MLLT10: variants seen among roughly 807,000 people sequenced by gnomAD.
MLLT10 encodes protein AF-10.
MLLT10 carries 30 observed loss-of-function variants against 129.1 expected under a neutral mutation model. The ratio of observed to expected loss-of-function variants is 0.23; its 90% confidence interval spans 0.17 to 0.32. The LOEUF (loss-of-function observed/expected upper bound fraction) is 0.32, where lower values mean the gene tolerates loss of function less well. Among genes scored for constraint, MLLT10 ranks in the 10% least tolerant of loss-of-function variants. The pLI, the probability that MLLT10 is intolerant of heterozygous loss-of-function variation, is 1.00. For synonymous variants in MLLT10, 490 were observed against 446.4 expected, an observed-to-expected ratio of 1.10 and a Z score of -1.23; for missense variants, 1,119 against 1,268.3, an observed-to-expected ratio of 0.88 and a Z score of 1.79.
intron 8 of MLLT10, among the ~76,000 whole-genome samples, chr10:21,623,508 G>T (rs2046110357): frequency 6.6e-6 from 1 of 152,174 alleles, no homozygotes; most frequent in African/African-American, 2.4e-5. Flanking sequence ...TAGAAGTTCT[G>T]TGCCAGAAAC....
intron 5 of MLLT10, among the ~76,000 whole-genome samples, chr10:21,603,482 C>T (rs1381638829): frequency 6.6e-6 from 1 of 152,126 alleles, no homozygotes; most frequent in East Asian, 1.9e-4. Context: ...ACTTAATCTA[C>T]TTATTATAAC....
chr10:21,692,333 T>TTATTATTATTATATTA (rs1376934648), intron 13 of MLLT10, among the ~76,000 whole-genome samples: 2 of 151,754 alleles, frequency 1.3e-5, no homozygotes, highest in African/African-American at 2.4e-5. Flanking sequence ...ATTATTATTA[T>TTATTATTATTATATTA]TATTATTATT....
Position 21,540,436 on chromosome 10 carries a change from C to T in MLLT10, c.240+1524C>T, listed in dbSNP as rs568929963. On this transcript the variant is annotated intron_variant, in intron 3 of 22. Coordinates refer to ENST00000307729, the MANE Select transcript of MLLT10 (RefSeq NM_001195626.3). Reference sequence around the variant, plus strand: ...TTGGGCGTGGTGGCTTGCACCTGTACTCCCAGCTACTCTGGAAGCTGAGAC... The same window carrying T: ...TTGGGCGTGGTGGCTTGCACCTGTATTCCCAGCTACTCTGGAAGCTGAGAC... Among the ~76,000 whole-genome samples, 51 of 151,236 alleles carry T rather than the reference C, an allele frequency of 3.4e-4. No individual in the cohort carries two copies. The South Asian group carries it at 7.8e-3, about 23-fold the overall frequency.
intron 8 of MLLT10, among the ~76,000 whole-genome samples, chr10:21,648,717 A>G (rs2048743098): frequency 1.3e-5 from 2 of 152,232 alleles, no homozygotes; most frequent in African/African-American, 2.4e-5. Flanking sequence ...ATGAAGAAAT[A>G]CACGAGACTG....
intron 18 of MLLT10, among the ~76,000 whole-genome samples, chr10:21,733,301 A>G (rs1056178591): frequency 3.3e-5 from 5 of 152,178 alleles, no homozygotes; most frequent in East Asian, 1.9e-4. Context: ...TTAAATGTCT[A>G]ATGATCTCGT....
At chr10:21,733,742 T>C (rs1261779302) in intron 19 of MLLT10, 26 bp from the exon 20 acceptor site, 1 of 1,581,628 alleles carries the variant, frequency 6.3e-7, no homozygotes, top group African/African-American at 1.4e-5. Context: ...TCCAGTGGAC[T>C]TAGTTTCTCT....
intron 4 of MLLT10, among the ~76,000 whole-genome samples, chr10:21,594,480 G>A (rs1420468061): frequency 6.6e-6 from 1 of 150,982 alleles, no homozygotes; most frequent in African/African-American, 2.4e-5. Flanking sequence ...TTGAACCCAG[G>A]AGGCGGAGGT....
chr10:21,711,800 C>T (rs1179275199), intron 13 of MLLT10, among the ~76,000 whole-genome samples: 2 of 152,114 alleles, frequency 1.3e-5, no homozygotes, highest in African/African-American at 4.8e-5. Context: ...AACATCTCTT[C>T]CAGTAAGTTT....
At chr10:21,735,268 GA>G in intron 21 of MLLT10, 33 bp downstream of exon 21, 1 of 1,467,306 alleles carries the variant, frequency 6.8e-7, no homozygotes, top group Non-Finnish European at 9.5e-7. Flanking sequence ...ATCTTATTAG[GA>G]GCATGTGTTC....
chr10:21,740,089 A>G lies in MLLT10; in HGVS notation c.3015A>G (p.Gln1005=), dbSNP rs1389546321. 4.3e-6 allele frequency: 7 copies of G among 1,613,874 alleles called. No individual in the cohort carries two copies. Among genetic ancestry groups the G allele is most frequent in the East Asian group, 2.2e-5 (1 of 44,878 alleles). The change falls in exon 22 of 23, where the codon CAA becomes CAG. Residue 1005 remains glutamine, a synonymous_variant. Coordinates refer to ENST00000307729, the MANE Select transcript of MLLT10 (RefSeq NM_001195626.3). ...LMQHHHQQHH[Q]PELQQLQIPG... ...AACATCACCACCAGCAGCACCACCAACCTGAACTTCAGCAGCTGCAGATCC... is the reference window on the plus strand; with the variant it reads ...AACATCACCACCAGCAGCACCACCAGCCTGAACTTCAGCAGCTGCAGATCC...
intron 6 of MLLT10, among the ~76,000 whole-genome samples, chr10:21,613,352 A>C (rs1337984312): frequency 6.6e-6 from 1 of 152,182 alleles, no homozygotes; most frequent in East Asian, 1.9e-4. Flanking sequence ...TCTATGCTTC[A>C]CTGCCAGTGT....
intron 14 of MLLT10, among the ~76,000 whole-genome samples, chr10:21,723,795 T>C (rs760664988): frequency 1.1e-4 from 17 of 152,226 alleles, no homozygotes; most frequent in Non-Finnish European, 1.9e-4. Flanking sequence ...GTAGTGGATC[T>C]TTTTTAGAAT....
At chr10:21,710,408 A>C (rs899498658) in intron 13 of MLLT10, among the ~76,000 whole-genome samples, 1 of 152,184 alleles carries the variant, frequency 6.6e-6, no homozygotes. Context: ...AGTGTTGGCA[A>C]ATCTTCAGTT....
intron 13 of MLLT10, chr10:21,688,451 G>T: frequency 6.4e-7 from 1 of 1,555,618 alleles, no homozygotes. Context: ...TTAGGAAGTG[G>T]TGATTAAAAA....
intron 3 of MLLT10, among the ~76,000 whole-genome samples, chr10:21,542,001 G>A (rs536062506): frequency 5.3e-5 from 8 of 152,114 alleles, no homozygotes; most frequent in South Asian, 4.2e-4. Flanking sequence ...ATCATGTTAC[G>A]GTTTGTGGTG....
intron 13 of MLLT10, among the ~76,000 whole-genome samples, chr10:21,683,407 T>C (rs1255488535): frequency 6.6e-6 from 1 of 152,200 alleles, no homozygotes; most frequent in Non-Finnish European, 1.5e-5. Flanking sequence ...AACTTGTTAC[T>C]GTTATTTGGT....
chr10:21,730,886 A>G lies in MLLT10; in HGVS notation c.2064-14A>G. 6.2e-7 allele frequency: 1 copy of G among 1,614,110 alleles called. No individual in the cohort carries two copies. Among genetic ancestry groups the G allele is most frequent in the South Asian group, 1.1e-5 (1 of 91,080 alleles). ...CATTCCCCTTCTTTTTAACTTGAGAATTGTTTTCAACAGATCCCCTGTAAG... is the reference window on the plus strand; with the variant it reads ...CATTCCCCTTCTTTTTAACTTGAGAGTTGTTTTCAACAGATCCCCTGTAAG... On this transcript the variant is annotated splice_polypyrimidine_tract_variant and intron_variant, in intron 16 of 22. Coordinates refer to ENST00000307729, the MANE Select transcript of MLLT10 (RefSeq NM_001195626.3).
chr10:21,705,483 A>G (rs887852993), intron 13 of MLLT10, among the ~76,000 whole-genome samples: 19 of 152,252 alleles, frequency 1.2e-4, no homozygotes, highest in Middle Eastern at 3.4e-3. Context: ...GGTGATCCCT[A>G]AGTCACCAGC....
chr10:21,625,803 A>G, intron 8 of MLLT10: 1 of 768,634 alleles, frequency 1.3e-6, no homozygotes, highest in Non-Finnish European at 2.4e-6. Flanking sequence ...TCCTTTCCAC[A>G]GAAAGTGGTA....
Sources: allele counts gnomAD v4.1 joint callset (sites outside exome capture counted in the v4.1 genomes callset), GRCh38; gene constraint gnomAD v4.1.1; transcripts MANE v1.5; gene names NCBI Gene and HGNC (gene_info 2026-07-23, HGNC 2026-07-21).